CIITA: variants seen among roughly 807,000 people sequenced by gnomAD.
The protein encoded by CIITA is class II major histocompatibility complex transactivator, also known as MHC class II transactivator.
CIITA carries 72 observed loss-of-function variants against 115.1 expected under a neutral mutation model. The ratio of observed to expected loss-of-function variants is 0.63; its 90% CI spans 0.52 to 0.76. CIITA has a LOEUF of 0.76. CIITA is among the 30% of genes least tolerant of loss of function. CIITA has a pLI of 0.00. For missense variants in CIITA, 1,617 were observed against 1,463.8 expected, an observed-to-expected ratio of 1.10 and a Z score of -1.71; for synonymous variants, 763 against 635.6, an observed-to-expected ratio of 1.20 and a Z score of -3.02.
chr16:10,875,993 A>G (rs2035810279), upstream of CIITA, among the ~76,000 whole-genome samples: 1 of 152,178 alleles, frequency 6.6e-6, no homozygotes, highest in South Asian at 2.1e-4. Context: ...AAGAAAAGAA[A>G]AGAAAAATTA....
chr16:10,900,199 C>T (rs1289155444), intron 5 of CIITA, among the ~76,000 whole-genome samples: 3 of 152,122 alleles, frequency 2.0e-5, no homozygotes, highest in South Asian at 2.1e-4. Flanking sequence ...TCCTTTTTGC[C>T]TTGTCAGAAA....
chr16:10,923,207 G>A lies in CIITA; in HGVS notation c.3318-21G>A. 6.2e-7 allele frequency: 1 copy of A among 1,611,156 alleles called. No homozygotes were observed. The highest frequency in any genetic ancestry group is 1.1e-5 in the South Asian group (1 of 91,062). ...GCCCTCTCTCCTCTAACCTGGCTCTGAGTCCCATCCCCCCTTGCAGGATGT... is the reference window on the plus strand; with the variant it reads ...GCCCTCTCTCCTCTAACCTGGCTCTAAGTCCCATCCCCCCTTGCAGGATGT... On this transcript the variant is annotated intron_variant, in intron 18 of 19. Transcript: ENST00000324288. The surrounding 1 kb of genome is among the most constrained non-coding windows in gnomAD (Gnocchi z 5.2).
At chr16:10,886,057 CTTT>C (rs71133402) in intron 1 of CIITA, among the ~76,000 whole-genome samples, 4 of 132,172 alleles carry the variant, frequency 3.0e-5, no homozygotes. Flanking sequence ...CATGTTTTGC[CTTT>C]TTTTTTTTTT....
Position 10,877,473 on chromosome 16 carries a change from GA to G in CIITA, c.52+92del. The G allele has an allele frequency of 3.0e-6, 4 of 1,333,484 alleles. No homozygotes were observed. The South Asian group carries it at 5.0e-5, about 17-fold the overall frequency. The allele number at this position is 1,333,484 out of a possible 1,614,324, so 82.6% of individuals were successfully genotyped here. A position where few individuals can be genotyped will look rare whatever the true frequency, so the allele number is the denominator to read the frequency against. Reference sequence around the variant, plus strand: ...AACAGAGAAACCATTCTGAATTGGGGATGGGGGTGAGGATGGGAACAGGAGT... The same window carrying G: ...AACAGAGAAACCATTCTGAATTGGGGTGGGGGTGAGGATGGGAACAGGAGT... On this transcript the variant is annotated intron_variant, in intron 1 of 19. Transcript: ENST00000324288.
Position 10,895,535 on chromosome 16 carries a change from G to A in CIITA, c.199+107G>A, listed in dbSNP as rs1596498777. On this transcript the variant is annotated intron_variant, in intron 2 of 19. Coordinates refer to ENST00000324288, the MANE Select transcript of CIITA (RefSeq NM_000246.4). ...GTCCCTGCCCTCCCGTCAGCACCAC[G>A]GACAGCTCCCACGTCTGTGGGACGC... is the stretch of plus-strand genomic sequence containing the variant. 25 of 1,566,826 alleles carry A rather than the reference G, an allele frequency of 1.6e-5. No individual in the cohort carries two copies. The East Asian group carries it at 5.0e-4, about 31-fold the overall frequency.
At chr16:10,919,064 T>C (rs1201437784) in intron 16 of CIITA, among the ~76,000 whole-genome samples, 2 of 152,224 alleles carry the variant, frequency 1.3e-5, no homozygotes, top group Non-Finnish European at 2.9e-5. Context: ...CATTACCAGC[T>C]CTTCTTACTC....
intron 10 of CIITA, among the ~76,000 whole-genome samples, chr16:10,906,062 G>A (rs1457095775): frequency 1.3e-5 from 2 of 152,150 alleles, no homozygotes; most frequent in African/African-American, 4.8e-5. Flanking sequence ...GCATGGCAGT[G>A]GGCGCCTGTA....
rs1226882532 is a variant in CIITA at position 10,899,055 on chromosome 16, C to T, written c.436+53C>T. On this transcript the variant is annotated intron_variant, in intron 5 of 19. Coordinates refer to ENST00000324288, the MANE Select transcript of CIITA (RefSeq NM_000246.4). ...TAGCCTTGCTTGAGACCTGGCCTTT[C>T]CTTGACTCCAAAGCCTGCTGTGGGT... 3.8e-6 allele frequency: 6 copies of T among 1,565,412 alleles called. No individual in the cohort carries two copies. The Admixed American group carries it at 6.7e-5, about 17-fold the overall frequency.
chr16:10,921,632 G>A (rs562453600), intron 16 of CIITA, among the ~76,000 whole-genome samples: 3 of 152,316 alleles, frequency 2.0e-5, no homozygotes, highest in African/African-American at 7.2e-5. Context: ...AGGTCACATA[G>A]GCAGTAAGAG....
chr16:10,907,738 A>T lies in CIITA; in HGVS notation c.2246A>T (p.Asn749Ile). ...CCAAGGAAGAAGAGGCCCTATGACAACTGGCTGGAGGGCGTGCCACGCTTT... is the reference window on the plus strand; with the variant it reads ...CCAAGGAAGAAGAGGCCCTATGACATCTGGCTGGAGGGCGTGCCACGCTTT... ...LTPRKKRPYD[N>I]WLEGVPRFLA... Residue 749 changes from asparagine (N) to isoleucine (I), a missense_variant, in exon 11 of 20, where the codon AAC becomes ATC. By Grantham distance (149) the Asn-to-Ile change is moderately radical (BLOSUM62 -3). Coordinates refer to ENST00000324288, the MANE Select transcript of CIITA (RefSeq NM_000246.4). The surrounding 1 kb of genome is among the most constrained non-coding windows in gnomAD (Gnocchi z 5.0). The T allele has an allele frequency of 6.2e-7, 1 of 1,614,176 alleles. No homozygotes were observed. Among genetic ancestry groups the T allele is most frequent in the Non-Finnish European group, 8.5e-7 (1 of 1,180,028 alleles).
Position 10,906,868 on chromosome 16 carries a change from C to A in CIITA, c.1376C>A (p.Pro459Gln), listed in dbSNP as rs774567918. 6.2e-7 allele frequency: 1 copy of A among 1,613,380 alleles called. No individual in the cohort carries two copies. The highest frequency in any genetic ancestry group is 8.5e-7 in the Non-Finnish European group (1 of 1,180,038). ...FSVPCHCLNRPGDAYGLQDLL... is the reference protein window; with the variant it reads ...FSVPCHCLNRQGDAYGLQDLL... The stretch of plus-strand genomic sequence containing the variant: ...GTCCCCTGCCATTGCTTGAACCGTC[C>A]GGGGGATGCCTATGGCCTGCAGGAT... Residue 459 changes from proline (P) to glutamine (Q), a missense_variant, in exon 11 of 20, where the codon CCG (proline) becomes CAG (glutamine). Physicochemically the swap from Pro to Gln is moderately conservative, Grantham distance 76. Transcript: ENST00000324288.
At chr16:10,905,097 AAGTG>A (rs1267207800) in intron 10 of CIITA, among the ~76,000 whole-genome samples, 2 of 152,214 alleles carry the variant, frequency 1.3e-5, no homozygotes, top group African/African-American at 4.8e-5. Context: ...GCGAATGATG[AAGTG>A]AGTGAGTGGA....
At chr16:10,913,942 AAAAT>A (rs59779472) in intron 13 of CIITA, among the ~76,000 whole-genome samples, 87 of 133,170 alleles carry the variant, frequency 6.5e-4, no homozygotes, top group Non-Finnish European at 1.0e-3. Flanking sequence ...CCCCATCTCA[AAAAT>A]AAATAAATAA....
At chr16:10,922,741 C>T (rs1446303171) in intron 18 of CIITA, among the ~76,000 whole-genome samples, 1 of 152,190 alleles carries the variant, frequency 6.6e-6, no homozygotes, top group Non-Finnish European at 1.5e-5. Context: ...AGCTGGCACA[C>T]AAAAATGCCA....
rs376023506 is a variant in CIITA, at chr16:10,901,252, G to GTTTA, written c.437-259_437-258insATTT. On this transcript the variant is annotated intron_variant, in intron 5 of 19. Transcript: ENST00000324288. This position sits in a 1 kb window ranked among gnomAD's most constrained non-coding sequence, Gnocchi z 6.8. Reference sequence around the variant, plus strand: ...AGGTTCCTTTGTTTTGTTTTGTTTTGTTTTTTGGCTCAAACCCATGTTGTG... The same window carrying GTTTA: ...AGGTTCCTTTGTTTTGTTTTGTTTTGTTTATTTTTTGGCTCAAACCCATGTTGTG... 5.9e-5 allele frequency among the ~76,000 whole-genome samples: 9 copies of GTTTA among 152,260 alleles called. No individual in the cohort carries two copies. The highest frequency in any genetic ancestry group is 2.0e-4 in the Admixed American group (3 of 15,290).
chr16:10,902,612 A>T (rs757381623), intron 7 of CIITA, 46 bp from the exon 8 acceptor site: 1 of 1,612,910 alleles, frequency 6.2e-7, no homozygotes. Flanking sequence ...AATCGCAAAC[A>T]CAGGTGCTAT....
intron 1 of CIITA, among the ~76,000 whole-genome samples, chr16:10,887,606 C>T (rs1269740915): frequency 6.6e-6 from 1 of 152,052 alleles, no homozygotes; most frequent in Non-Finnish European, 1.5e-5. Flanking sequence ...AGCAATTTTC[C>T]TGCCTCAGCC....
Position 10,879,151 on chromosome 16 carries a change from G to A in CIITA, c.52+1769G>A. 5.5e-6 allele frequency: 1 copy of A among 181,664 alleles called. No individual in the cohort carries two copies. The highest frequency in any genetic ancestry group is 1.2e-5 in the Non-Finnish European group (1 of 85,122). 11.3% of individuals were successfully genotyped at this position (181,664 alleles called of 1,614,324 possible). ...CACACAGCAAGTCTGGGAGGATGGG[G>A]GGATGGAATATGCAAAATGTAGGGC... On this transcript the variant is annotated intron_variant, in intron 1 of 19. Transcript: ENST00000324288. The surrounding 1 kb of genome is among the most constrained non-coding windows in gnomAD (Gnocchi z 4.3).
downstream of CIITA, chr16:10,937,158 A>C (rs997570921): frequency 7.2e-5 from 11 of 152,320 alleles, no homozygotes; most frequent in African/African-American, 2.2e-4. This position sits in a 1 kb window ranked among gnomAD's most constrained non-coding sequence, Gnocchi z 4.2. Flanking sequence ...CCTATGGCCA[A>C]GGACCTTCTG....
Sources: allele counts gnomAD v4.1 joint callset (sites outside exome capture counted in the v4.1 genomes callset), GRCh38; gene constraint gnomAD v4.1.1; non-coding constraint Gnocchi (gnomAD v3.1); transcripts MANE v1.5; gene names NCBI Gene and HGNC (gene_info 2026-07-23, HGNC 2026-07-21).